PDYN: variants seen among roughly 807,000 people sequenced by gnomAD.
PDYN encodes prodynorphin.
Under a neutral mutation model 11.4 loss-of-function variants are expected in PDYN, and 5 were observed. The observed-to-expected ratio is 0.44, with a 90% confidence interval of 0.23 to 0.92. The LOEUF is 0.92. Among genes scored for constraint, PDYN ranks in the 40% least tolerant of loss-of-function variants. The probability of loss-of-function intolerance (pLI) is 0.24; values close to 1 mark genes in which losing one functional copy is unlikely to be tolerated. For synonymous variants in PDYN, 132 were observed against 129.5 expected, an observed-to-expected ratio of 1.02 and a Z score of -0.13; for missense variants, 337 against 317.3, an observed-to-expected ratio of 1.06 and a Z score of -0.47.
intron 2 of PDYN, among the ~76,000 whole-genome samples, chr20:1,987,605 G>A (rs1449309987): frequency 6.6e-6 from 1 of 152,206 alleles, no homozygotes; most frequent in African/African-American, 2.4e-5. Context: ...TGGGGTGGAA[G>A]GGACACAGCT....
chr20:1,985,146 C>T (rs1438230352), intron 2 of PDYN, among the ~76,000 whole-genome samples: 2 of 152,116 alleles, frequency 1.3e-5, no homozygotes, highest in African/African-American at 4.8e-5. Flanking sequence ...TGCAAACTGC[C>T]GTGTTTGCTC....
At chr20:1,983,210 C>A in intron 2 of PDYN, 107 bp from the exon 3 acceptor site, 1 of 950,298 alleles carries the variant, frequency 1.1e-6, no homozygotes, top group Non-Finnish European at 1.6e-6. Flanking sequence ...CACTGCAAAG[C>A]ATTCTGATTC....
At chr20:1,982,345 G>C (rs1408669443) in intron 3 of PDYN, among the ~76,000 whole-genome samples, 1 of 152,204 alleles carries the variant, frequency 6.6e-6, no homozygotes, top group Non-Finnish European at 1.5e-5. Flanking sequence ...GGCTTAGAGA[G>C]GGAGTTCCAA....
chr20:1,987,102 AG>A (rs1399131479), intron 2 of PDYN, among the ~76,000 whole-genome samples: 2 of 152,196 alleles, frequency 1.3e-5, no homozygotes, highest in African/African-American at 4.8e-5. Flanking sequence ...CAAAGAGGCC[AG>A]GGTGCATGAA....
intron 2 of PDYN, among the ~76,000 whole-genome samples, chr20:1,991,267 CAG>C (rs1988433426): frequency 6.6e-6 from 1 of 152,202 alleles, no homozygotes; most frequent in African/African-American, 2.4e-5. Flanking sequence ...AGGAATAGGA[CAG>C]GGACCAAATG....
At chr20:1,992,903 T>C (rs1040915720) in intron 1 of PDYN, among the ~76,000 whole-genome samples, 5 of 152,114 alleles carry the variant, frequency 3.3e-5, no homozygotes, top group Non-Finnish European at 7.4e-5. Context: ...GGAATTGAAA[T>C]CAGATCCAAT....
At chr20:1,987,193 G>A (rs1439321934) in intron 2 of PDYN, among the ~76,000 whole-genome samples, 1 of 152,142 alleles carries the variant, frequency 6.6e-6, no homozygotes, top group Non-Finnish European at 1.5e-5. Context: ...TAGGCCAAGG[G>A]AGAGTTTGCA....
At position 1,982,936 on chromosome 20, in the gene PDYN, G is replaced by A; in HGVS notation, c.129+20C>T. On this transcript the variant is annotated intron_variant, in intron 3 of 3. Transcript: ENST00000217305. The stretch of plus-strand genomic sequence containing the variant: ...CAGGTCCAAGGACCTGGGCATTGAA[G>A]AACCTTGCCTGAAACCTACCAGGGG... The A allele has an allele frequency of 6.2e-7, 1 of 1,612,510 alleles. No homozygotes were observed. Among genetic ancestry groups the A allele is most frequent in the Non-Finnish European group, 8.5e-7 (1 of 1,179,052 alleles).
intron 2 of PDYN, among the ~76,000 whole-genome samples, chr20:1,991,340 G>T (rs1325770885): frequency 1.3e-5 from 2 of 152,182 alleles, no homozygotes; most frequent in African/African-American, 4.8e-5. Flanking sequence ...CTTGTGGCCA[G>T]CCGCTCTGGC....
At chr20:1,988,926 A>G (rs553165127) in intron 2 of PDYN, among the ~76,000 whole-genome samples, 1 of 152,210 alleles carries the variant, frequency 6.6e-6, no homozygotes, top group East Asian at 1.9e-4. Context: ...CTAATACGAC[A>G]CCCATGCCCC....
chr20:1,989,439 C>T (rs2122385774), intron 2 of PDYN, among the ~76,000 whole-genome samples: 1 of 152,322 alleles, frequency 6.6e-6, no homozygotes, highest in Middle Eastern at 3.4e-3. Context: ...GGTGTATCAT[C>T]TTCCTGCACT....
chr20:1,991,677 CT>C (rs2122397820), intron 2 of PDYN, among the ~76,000 whole-genome samples: 1 of 152,338 alleles, frequency 6.6e-6, no homozygotes, highest in African/African-American at 2.4e-5. Flanking sequence ...GAGAAATCAG[CT>C]GTGTAACCAC....
chr20:1,991,651 T>C (rs527463898), intron 2 of PDYN, among the ~76,000 whole-genome samples: 1 of 152,344 alleles, frequency 6.6e-6, no homozygotes, highest in South Asian at 2.1e-4. Context: ...TGGGCTGAGA[T>C]GAGTGAATAC....
chr20:1,981,023 G>A, intron 3 of PDYN, 65 bp from the exon 4 acceptor site: 6 of 1,588,890 alleles, frequency 3.8e-6, no homozygotes, highest in Non-Finnish European at 5.2e-6. Flanking sequence ...TCTGCCCCAG[G>A]CTCCCCTGTC....
Position 1,982,973 on chromosome 20 carries a change from T to A in PDYN, c.112A>T (p.Lys38Ter), listed in dbSNP as rs1239879920. The A allele has an allele frequency of 1.9e-6, 3 of 1,613,896 alleles. No homozygotes were observed. The Admixed American group carries it at 5.0e-5, about 27-fold the overall frequency. ...AAACCTACCAGGGGATTGATAGGTT[T>A]GGGACCATCCTGGGTCTTTACAGCA... Reference protein sequence around the residue: ...LCAVKTQDGPKPINPLICSLQ... With the variant: ...LCAVKTQDGP Residue 38 changes from lysine (K) to a stop codon, truncating the protein, a stop_gained, in exon 3 of 4, where the codon AAA (lysine) becomes TAA (stop). Transcript: ENST00000217305. LOFTEE classifies it low-confidence loss of function (END_TRUNC).
chr20:1,983,712 T>C (rs2122345062), intron 2 of PDYN, among the ~76,000 whole-genome samples: 1 of 152,280 alleles, frequency 6.6e-6, no homozygotes, highest in Non-Finnish European at 1.5e-5. Context: ...CCTTCTCCGA[T>C]TCCTCCTTCC....
chr20:1,994,043 A>C lies in PDYN; in HGVS notation c.-212T>G, dbSNP rs1263335412. 7 of 153,450 alleles carry C rather than the reference A, an allele frequency of 4.6e-5. No homozygotes were observed. Among genetic ancestry groups the C allele is most frequent in the African/African-American group, 1.4e-4 (6 of 41,572 alleles). 9.5% of individuals were successfully genotyped at this position (153,450 alleles called of 1,614,324 possible). ...CAAAGAGGCAGCTGTGAACACCACC[A>C]AAGCCCCTTCAAATGGCAGTTCTGG... is the stretch of plus-strand genomic sequence containing the variant. On this transcript the variant is annotated 5_prime_UTR_variant, in exon 1 of 4. Coordinates refer to ENST00000217305, the MANE Select transcript of PDYN (RefSeq NM_024411.5).
intron 2 of PDYN, among the ~76,000 whole-genome samples, chr20:1,984,653 C>T (rs1176524375): frequency 1.3e-5 from 2 of 152,306 alleles, no homozygotes; most frequent in African/African-American, 2.4e-5. Flanking sequence ...AATCCCAGCA[C>T]TTTGAGAGGC....
intron 2 of PDYN, among the ~76,000 whole-genome samples, chr20:1,988,975 A>C (rs1988316346): frequency 6.6e-6 from 1 of 152,176 alleles, no homozygotes; most frequent in Admixed American, 6.5e-5. Flanking sequence ...TTCATGCTGC[A>C]AAAGCTGAGT....
Sources: allele counts gnomAD v4.1 joint callset (sites outside exome capture counted in the v4.1 genomes callset), GRCh38; gene constraint gnomAD v4.1.1; transcripts MANE v1.5; gene names NCBI Gene and HGNC (gene_info 2026-07-23, HGNC 2026-07-21).